The following GPATCH2 variants were observed in gnomAD, a reference collection of about 807,000 sequenced individuals.
GPATCH2 encodes the protein G patch domain-containing protein 2.
GPATCH2 carries 51 observed loss-of-function variants against 58.0 expected under a neutral mutation model. That is an observed-to-expected ratio of 0.88 (90% CI 0.70 to 1.11). GPATCH2 has a LOEUF of 1.11. GPATCH2 is among the 50% of genes most tolerant of loss of function. The pLI, the probability that GPATCH2 is intolerant of heterozygous loss-of-function variation, is 0.00. For synonymous variants in GPATCH2, 222 were observed against 218.5 expected (o/e 1.02, Z -0.14); for missense variants, 625 against 652.2 (o/e 0.96, Z 0.45).
rs1013099794 is a variant in GPATCH2, at chr1:217,498,697, A to C, written c.1167-302T>G. Reference sequence around the variant, plus strand: ...ATTTTATGAATCAATTCTGGTTATAAAACCTACAAATGCTATCATTTACCA... The same window carrying C: ...ATTTTATGAATCAATTCTGGTTATACAACCTACAAATGCTATCATTTACCA... On this transcript the variant is annotated intron_variant, in intron 6 of 9. Coordinates refer to ENST00000366935, the MANE Select transcript of GPATCH2 (RefSeq NM_018040.5). 20 of 489,844 alleles carry C rather than the reference A, an allele frequency of 4.1e-5. 1 individual carries two copies. In the East Asian group the frequency reaches 7.1e-4, roughly 17 times the overall value. 30.3% of individuals were successfully genotyped at this position (489,844 alleles called of 1,614,324 possible).
chr1:217,554,381 G>A (rs1232965250), intron 5 of GPATCH2, among the ~76,000 whole-genome samples: 1 of 152,102 alleles, frequency 6.6e-6, no homozygotes, highest in Non-Finnish European at 1.5e-5. Context: ...TATGAAATAG[G>A]CCCTATCTGT....
At chr1:217,543,271 T>C (rs889835382) in intron 5 of GPATCH2, among the ~76,000 whole-genome samples, 1 of 146,054 alleles carries the variant, frequency 6.8e-6, no homozygotes, top group Non-Finnish European at 1.5e-5. Flanking sequence ...ATGCGAACGT[T>C]TTTTTTTTTT....
In GPATCH2 at chr1:217,498,906, A is replaced by G. The variant is rs73105630; in HGVS notation, c.1167-511T>C. On this transcript the variant is annotated intron_variant, in intron 6 of 9. Coordinates refer to ENST00000366935, the MANE Select transcript of GPATCH2 (RefSeq NM_018040.5). ...CCTTGGACCTATTCCCTCCACAGTT[A>G]TAACAACCTAGATTCTGGCTGAGAA... The G allele has an allele frequency of 4.2e-3, 720 of 172,564 alleles. 12 individuals are homozygous for G. The highest frequency in any genetic ancestry group is 0.016 in the African/African-American group (686 of 41,640). The allele number at this position is 172,564 out of a possible 1,614,324, so 10.7% of individuals were successfully genotyped here.
intron 8 of GPATCH2, among the ~76,000 whole-genome samples, chr1:217,478,889 A>T (rs1271002198): frequency 6.6e-6 from 1 of 152,172 alleles, no homozygotes; most frequent in Non-Finnish European, 1.5e-5. Context: ...AGAGAAAAGA[A>T]ACAAGTAACA....
chr1:217,514,788 C>A (rs1307799400), intron 6 of GPATCH2, 34 bp downstream of exon 6: 1 of 960,682 alleles, frequency 1.0e-6, no homozygotes, highest in East Asian at 2.4e-5. Flanking sequence ...GTAGAATACT[C>A]CAATAAGGTT....
At chr1:217,436,546 T>C (rs1043878989) in intron 9 of GPATCH2, among the ~76,000 whole-genome samples, 2 of 152,298 alleles carry the variant, frequency 1.3e-5, no homozygotes, top group South Asian at 4.1e-4. Context: ...ACTAAAAAAA[T>C]TCATTGAGTA....
At chr1:217,621,900 T>C (rs919708362) in intron 1 of GPATCH2, among the ~76,000 whole-genome samples, 1 of 152,248 alleles carries the variant, frequency 6.6e-6, no homozygotes, top group Non-Finnish European at 1.5e-5. Flanking sequence ...GTTTTACATA[T>C]ATTATTTCAT....
At chr1:217,625,000 G>C (rs563018296) in intron 1 of GPATCH2, among the ~76,000 whole-genome samples, 1 of 152,324 alleles carries the variant, frequency 6.6e-6, no homozygotes, top group South Asian at 2.1e-4. Context: ...GAAAGGAAAT[G>C]ATTTGGGCAG....
intron 5 of GPATCH2, among the ~76,000 whole-genome samples, chr1:217,596,850 GTATT>G (rs1667855759): frequency 6.6e-6 from 1 of 151,998 alleles, no homozygotes; most frequent in Non-Finnish European, 1.5e-5. Flanking sequence ...TAAAACCTGT[GTATT>G]TATTATTTTA....
chr1:217,455,075 G>A (rs961923358), intron 8 of GPATCH2, among the ~76,000 whole-genome samples: 1 of 152,084 alleles, frequency 6.6e-6, no homozygotes, highest in African/African-American at 2.4e-5. Flanking sequence ...TGATGGCTTT[G>A]GTCATTTGAC....
At chr1:217,431,484 G>A in intron 9 of GPATCH2, 119 bp from the exon 10 acceptor site, 1 of 664,614 alleles carries the variant, frequency 1.5e-6, no homozygotes, top group Non-Finnish European at 2.7e-6. Flanking sequence ...AGGTACTAGA[G>A]GGGGTTGCGT....
intron 6 of GPATCH2, among the ~76,000 whole-genome samples, chr1:217,499,798 A>G (rs1455993380): frequency 1.3e-5 from 2 of 152,044 alleles, no homozygotes; most frequent in Non-Finnish European, 2.9e-5. Flanking sequence ...TTAAAAGAAA[A>G]AAACTAAAAG....
intron 8 of GPATCH2, among the ~76,000 whole-genome samples, chr1:217,486,641 C>T (rs887939333): frequency 9.2e-5 from 14 of 152,094 alleles, no homozygotes; most frequent in Non-Finnish European, 1.9e-4. Context: ...CCTCTTCAAA[C>T]GTCTTGTCTT....
intron 5 of GPATCH2, among the ~76,000 whole-genome samples, chr1:217,562,714 A>G (rs925486697): frequency 6.6e-6 from 1 of 152,218 alleles, no homozygotes; most frequent in Non-Finnish European, 1.5e-5. Flanking sequence ...GCTTAGTATC[A>G]TGAGTCACTT....
intron 5 of GPATCH2, among the ~76,000 whole-genome samples, chr1:217,588,039 G>T (rs548070124): frequency 6.6e-6 from 1 of 152,048 alleles, no homozygotes; most frequent in African/African-American, 2.4e-5. Context: ...TTCTAGACAG[G>T]TGACTAGGAG....
In GPATCH2 at chr1:217,584,364, T is replaced by TATACAC. The variant is rs1226981154; in HGVS notation, c.1098+25956_1098+25957insGTGTAT. ...AAAAAAATATATATATATATATATA[T>TATACAC]ACACACACACAAAAATTAGCCAGGC... On this transcript the variant is annotated intron_variant, in intron 5 of 9. Coordinates refer to ENST00000366935, the MANE Select transcript of GPATCH2 (RefSeq NM_018040.5). Among the ~76,000 whole-genome samples, 8 of 121,548 alleles carry TATACAC rather than the reference T, an allele frequency of 6.6e-5. No homozygotes were observed. The South Asian group carries it at 8.2e-4, about 12-fold the overall frequency. The allele number at this position is 121,548 out of a possible 152,430, so 79.7% of individuals were successfully genotyped here. A position where few individuals can be genotyped will look rare whatever the true frequency, so the allele number is the denominator to read the frequency against.
intron 8 of GPATCH2, 156 bp downstream of exon 8, chr1:217,491,524 T>G: frequency 2.6e-6 from 1 of 378,164 alleles, no homozygotes; most frequent in Non-Finnish European, 4.8e-6. Flanking sequence ...TTTTATTCAT[T>G]GCTCGTAATC....
rs200247526 is a variant in GPATCH2, at chr1:217,523,174, TA to T, written c.1099-8286del. ...GAGAAGAAAAAAAATTTCAGTTTTT[TA>T]TTTTATTTTATTTTTTTATTGATCA... is the stretch of plus-strand genomic sequence containing the variant. On this transcript the variant is annotated intron_variant, in intron 5 of 9. Transcript: ENST00000366935. Among the ~76,000 whole-genome samples, 221 of 151,608 alleles carry T rather than the reference TA, an allele frequency of 1.5e-3. 10 individuals are homozygous for T. The highest frequency in any genetic ancestry group is 5.0e-3 in the African/African-American group (205 of 41,056).
At position 217,431,315 on chromosome 1, in the gene GPATCH2, G is replaced by A. The variant is rs772198086; in HGVS notation, c.1417C>T (p.Arg473Ter). 1.7e-5 allele frequency: 27 copies of A among 1,609,164 alleles called. No individual in the cohort carries two copies. The East Asian group carries it at 1.8e-4, about 11-fold the overall frequency. The change falls in exon 10 of 10, where the codon CGA becomes TGA. Residue 473 changes from arginine to a stop codon, truncating the protein, a stop_gained. Transcript: ENST00000366935. LOFTEE classifies it high-confidence loss of function. The stretch of plus-strand genomic sequence containing the variant: ...GTCCAGCCCATATTCTGAAGCATTC[G>A]GTTTCCAATATTATTTTCTAGGATT... ...QPILENNIGN[R>*]MLQNMGWTPG...
Sources: gnomAD v4.1 joint callset for allele counts (sites outside exome capture counted in the v4.1 genomes callset) on GRCh38, gnomAD v4.1.1 for gene constraint, MANE v1.5 for transcripts, NCBI Gene and HGNC (gene_info 2026-07-23, HGNC 2026-07-21) for gene names.